The following ST8SIA1 variants were observed in gnomAD, a reference collection of about 807,000 sequenced individuals.
ST8SIA1 encodes ST8 alpha-N-acetyl-neuraminide alpha-2,8-sialyltransferase 1.
ST8SIA1 carries 16 observed loss-of-function variants against 35.9 expected under a neutral mutation model. That is an observed-to-expected ratio of 0.45 (90% CI 0.30 to 0.68). The LOEUF (loss-of-function observed/expected upper bound fraction) is 0.68, where lower values mean the gene tolerates loss of function less well. ST8SIA1 is among the 30% of genes least tolerant of loss of function. The pLI, the probability that ST8SIA1 is intolerant of heterozygous loss-of-function variation, is 0.09. For synonymous variants in ST8SIA1, 170 were observed against 169.6 expected, an observed-to-expected ratio of 1.00 and a Z score of -0.02; for missense variants, 383 against 453.6, an observed-to-expected ratio of 0.84 and a Z score of 1.41.
At chr12:22,243,121 A>G (rs1865559204) in intron 4 of ST8SIA1, among the ~76,000 whole-genome samples, 1 of 152,072 alleles carries the variant, frequency 6.6e-6, no homozygotes, top group South Asian at 2.1e-4. Flanking sequence ...TGTATGCTTA[A>G]TTTTTCTAAA....
chr12:22,281,819 CA>C (rs11423875), intron 2 of ST8SIA1, among the ~76,000 whole-genome samples: 67 of 102,960 alleles, frequency 6.5e-4, no homozygotes, highest in Admixed American at 1.7e-3. Flanking sequence ...CTTGTCTCTA[CA>C]AAAAAAAAAA....
chr12:22,257,264 T>C (rs1865738182), intron 2 of ST8SIA1, among the ~76,000 whole-genome samples: 1 of 151,750 alleles, frequency 6.6e-6, no homozygotes, highest in South Asian at 2.1e-4. Flanking sequence ...CAGGCTGGAG[T>C]ACAGTGGCAT....
At chr12:22,223,535 T>C (rs183137828) in intron 4 of ST8SIA1, 4 of 1,031,128 alleles carry the variant, frequency 3.9e-6, no homozygotes, top group Admixed American at 6.1e-5. Context: ...TCCTGACTTC[T>C]GAACTGGGTT....
At chr12:22,288,406 C>T (rs932695130) in intron 1 of ST8SIA1, among the ~76,000 whole-genome samples, 1 of 152,176 alleles carries the variant, frequency 6.6e-6, no homozygotes, top group Non-Finnish European at 1.5e-5. Flanking sequence ...GTTGAGAGTT[C>T]ACTGAGAACG....
chr12:22,285,881 A>C (rs939429753), intron 2 of ST8SIA1, among the ~76,000 whole-genome samples: 10 of 142,152 alleles, frequency 7.0e-5, no homozygotes, highest in African/African-American at 2.7e-4. Context: ...CAAAAACAAA[A>C]AAAAAAAAAA....
chr12:22,331,700 TAACTC>T (rs1259276797), intron 1 of ST8SIA1, among the ~76,000 whole-genome samples: 2 of 152,146 alleles, frequency 1.3e-5, no homozygotes, highest in Admixed American at 6.5e-5. Context: ...AAAAAATAAT[TAACTC>T]AAACCATGAA....
At chr12:22,225,421 A>G (rs1273972474) in intron 4 of ST8SIA1, among the ~76,000 whole-genome samples, 2 of 152,086 alleles carry the variant, frequency 1.3e-5, no homozygotes, top group Non-Finnish European at 2.9e-5. Context: ...CATTTCTCCT[A>G]TTAAAGTAAA....
At chr12:22,330,445 A>G (rs535121459) in intron 1 of ST8SIA1, among the ~76,000 whole-genome samples, 5 of 152,312 alleles carry the variant, frequency 3.3e-5, no homozygotes, top group African/African-American at 4.8e-5. Context: ...GGACTTACCA[A>G]TGATTGCACA....
intron 1 of ST8SIA1, among the ~76,000 whole-genome samples, chr12:22,287,847 A>G (rs1248422612): frequency 6.6e-6 from 1 of 152,238 alleles, no homozygotes; most frequent in Non-Finnish European, 1.5e-5. Context: ...GAGTAGAAAT[A>G]GAATGAAATG....
At chr12:22,220,502 T>A (rs992957701) in intron 4 of ST8SIA1, among the ~76,000 whole-genome samples, 1 of 152,186 alleles carries the variant, frequency 6.6e-6, no homozygotes, top group Admixed American at 6.5e-5. Context: ...ACACCCCTAA[T>A]AGCAGAATTG....
intron 4 of ST8SIA1, among the ~76,000 whole-genome samples, chr12:22,206,584 GT>G (rs1865113252): frequency 6.6e-6 from 1 of 152,194 alleles, no homozygotes; most frequent in African/African-American, 2.4e-5. Flanking sequence ...AGTCAGGCTT[GT>G]AGTTCCCAAG....
At chr12:22,208,131 C>T (rs1482993290) in intron 4 of ST8SIA1, among the ~76,000 whole-genome samples, 1 of 108,550 alleles carries the variant, frequency 9.2e-6, no homozygotes, top group Non-Finnish European at 2.0e-5. Flanking sequence ...CAGTGTCTGT[C>T]TCACAAAAAA....
rs1865008087 is a variant in ST8SIA1, at chr12:22,197,989, T to C, written c.*3563A>G. 6.6e-6 allele frequency: 1 copy of C among 152,226 alleles called. No homozygotes were observed. 9.4% of individuals were successfully genotyped at this position (152,226 alleles called of 1,614,324 possible). A position where few individuals can be genotyped will look rare whatever the true frequency, so the allele number is the denominator to read the frequency against. Reference sequence around the variant, plus strand: ...CAAAGCATATGTGTCTGTGAGTCATTGTCCATATAAAAATCTTTCATATAA... The same window carrying C: ...CAAAGCATATGTGTCTGTGAGTCATCGTCCATATAAAAATCTTTCATATAA... On this transcript the variant is annotated 3_prime_UTR_variant, in exon 5 of 5. Coordinates refer to ENST00000396037, the MANE Select transcript of ST8SIA1 (RefSeq NM_003034.4).
At chr12:22,251,455 G>A (rs890878391) in intron 3 of ST8SIA1, among the ~76,000 whole-genome samples, 4 of 152,108 alleles carry the variant, frequency 2.6e-5, no homozygotes, top group Non-Finnish European at 4.4e-5. Flanking sequence ...GAATTTTGAT[G>A]TATTTCCAGA....
At chr12:22,329,039 G>C (rs1404044426) in intron 1 of ST8SIA1, among the ~76,000 whole-genome samples, 1 of 152,166 alleles carries the variant, frequency 6.6e-6, no homozygotes, top group Admixed American at 6.5e-5. Flanking sequence ...ATTCCAGGTG[G>C]AGTGGGTGGC....
intron 4 of ST8SIA1, among the ~76,000 whole-genome samples, chr12:22,212,661 A>G (rs969215581): frequency 7.2e-5 from 11 of 152,216 alleles, no homozygotes; most frequent in Non-Finnish European, 1.2e-4. Flanking sequence ...TCGCAAGCTA[A>G]CTGCCCTTGC....
intron 1 of ST8SIA1, among the ~76,000 whole-genome samples, chr12:22,298,915 GA>G (rs1480153652): frequency 2.6e-5 from 4 of 151,818 alleles, no homozygotes; most frequent in Admixed American, 1.3e-4. Context: ...CAAAAGTAGA[GA>G]TTTTTTTTTA....
At chr12:22,314,717 C>T (rs993191632) in intron 1 of ST8SIA1, among the ~76,000 whole-genome samples, 2 of 152,088 alleles carry the variant, frequency 1.3e-5, no homozygotes, top group Admixed American at 1.3e-4. Context: ...CCATTCTATG[C>T]CATTCCCATT....
chr12:22,287,160 G>A lies in ST8SIA1; in HGVS notation c.370C>T (p.Leu124Phe). 6.2e-7 allele frequency: 1 copy of A among 1,613,894 alleles called. No homozygotes were observed. Among genetic ancestry groups the A allele is most frequent in the Non-Finnish European group, 8.5e-7 (1 of 1,179,830 alleles). The part of the protein sequence containing the change: ...SFTIDNSTYS[L>F]FPQATPFQLP... ...AACTCTATACTAACCTGTGGGAAGA[G>A]AGAGTAAGTTGAATTGTCAATGGTG... The change falls in exon 2 of 5, where the codon CTC (leucine) becomes TTC (phenylalanine). Residue 124 changes from leucine to phenylalanine, a missense_variant. Transcript: ENST00000396037.
Sources: gnomAD v4.1 joint callset for allele counts (sites outside exome capture counted in the v4.1 genomes callset) on GRCh38, gnomAD v4.1.1 for gene constraint, MANE v1.5 for transcripts, NCBI Gene and HGNC (gene_info 2026-07-23, HGNC 2026-07-21) for gene names.